The following TENM2 variants were observed in gnomAD, a reference collection of about 807,000 sequenced individuals.
The protein encoded by TENM2 is teneurin-2.
TENM2 carries 52 observed loss-of-function variants against 245.2 expected under a neutral mutation model. The ratio of observed to expected loss-of-function variants is 0.21; its 90% CI spans 0.17 to 0.27. TENM2 has a LOEUF of 0.27. TENM2 is among the 10% of genes least tolerant of loss of function. The pLI, the probability that TENM2 is intolerant of heterozygous loss-of-function variation, is 1.00. For synonymous variants in TENM2, 1,363 were observed against 1,438.9 expected (o/e 0.95, Z 1.19); for missense variants, 3,046 against 3,666.8 (o/e 0.83, Z 4.37).
the TENM2 span, among the ~76,000 whole-genome samples, chr5:167,081,278 C>T: frequency 6.6e-6 from 1 of 151,840 alleles, no homozygotes; most frequent in East Asian, 2.0e-4. Flanking sequence ...GATCATAGAT[C>T]AAGGTATTTA....
rs113901593 is a variant in TENM2 at position 167,677,509 on chromosome 5, A to G, written c.503-198477A>G. The stretch of plus-strand genomic sequence containing the variant: ...TTTGCTGTGATTGCTGTCTTCCATC[A>G]AAATCTGTCAGAATACATTATGGCA... On this transcript the variant is annotated intron_variant, in intron 2 of 28. Transcript: ENST00000518659. Among the ~76,000 whole-genome samples the G allele has an allele frequency of 9.9e-3, 1,497 of 151,878 alleles. 34 individuals carry two copies. The highest frequency in any genetic ancestry group is 0.034 in the African/African-American group (1,399 of 41,462).
At chr5:167,130,888 CTT>C in the TENM2 span, among the ~76,000 whole-genome samples, 78 of 73,346 alleles carry the variant, frequency 1.1e-3, no homozygotes, top group Non-Finnish European at 1.2e-3. Flanking sequence ...GTGTTAAATG[CTT>C]TTTTTTTTTT....
intron 2 of TENM2, among the ~76,000 whole-genome samples, chr5:167,827,630 G>GGGC (rs1554126470): frequency 3.8e-5 from 5 of 130,716 alleles, no homozygotes; most frequent in African/African-American, 8.4e-5. Context: ...TAGGTGGGCG[G>GGGC]GGGGGGGGGA....
intron 2 of TENM2, among the ~76,000 whole-genome samples, chr5:167,378,872 T>G (rs1760926751): frequency 6.6e-6 from 1 of 151,692 alleles, no homozygotes. Context: ...TCCTTTTTTT[T>G]TTTTTTTTCC....
chr5:168,105,393 TG>T (rs1223797724), intron 9 of TENM2, among the ~76,000 whole-genome samples: 1 of 152,014 alleles, frequency 6.6e-6, no homozygotes, highest in African/African-American at 2.4e-5. Flanking sequence ...ATTTTACTGG[TG>T]CATTTGAATG....
chr5:167,959,378 G>A (rs1247489573), intron 4 of TENM2, among the ~76,000 whole-genome samples: 1 of 152,006 alleles, frequency 6.6e-6, no homozygotes, highest in Non-Finnish European at 1.5e-5. Flanking sequence ...TGTATTGTTA[G>A]TAGAGACGGG....
intron 1 of TENM2, among the ~76,000 whole-genome samples, chr5:167,321,512 A>T (rs2127771302): frequency 6.6e-6 from 1 of 152,206 alleles, no homozygotes; most frequent in East Asian, 1.9e-4. Context: ...CTTTTTTGCC[A>T]TGAATTTGTC....
rs1469849555 is a variant in TENM2, at chr5:168,176,126, ACTT to A, written c.2569+13372_2569+13374del. Reference sequence around the variant, plus strand: ...CACCTCCACTCAGATCATGCCAACAACTTCTCTGCGCTGGACTATGGGTCCTCC... The same window carrying A: ...CACCTCCACTCAGATCATGCCAACAACTCTGCGCTGGACTATGGGTCCTCC... On this transcript the variant is annotated intron_variant, in intron 13 of 28. Transcript: ENST00000518659. Among the ~76,000 whole-genome samples the A allele has an allele frequency of 2.6e-5, 4 of 152,292 alleles. No individual in the cohort carries two copies. In the East Asian group the frequency reaches 7.7e-4, roughly 29 times the overall value.
chr5:167,344,843 C>T (rs554432604), intron 1 of TENM2, among the ~76,000 whole-genome samples: 2 of 152,206 alleles, frequency 1.3e-5, no homozygotes, highest in African/African-American at 4.8e-5. Context: ...CCACAGAAAG[C>T]AGTGGGGCAG....
intron 2 of TENM2, among the ~76,000 whole-genome samples, chr5:167,569,692 G>A (rs931408232): frequency 1.1e-4 from 16 of 152,142 alleles, no homozygotes; most frequent in African/African-American, 3.4e-4. Context: ...CATTTAAGAA[G>A]CATTCCCATT....
chr5:168,198,427 C>CTTG (rs1343674487), intron 15 of TENM2, among the ~76,000 whole-genome samples: 2 of 151,980 alleles, frequency 1.3e-5, no homozygotes, highest in Non-Finnish European at 2.9e-5. Context: ...AACTACTGAC[C>CTTG]TCAAGTGATG....
chr5:167,953,207 TTAAG>T (rs1382818820), intron 4 of TENM2, among the ~76,000 whole-genome samples: 1 of 152,198 alleles, frequency 6.6e-6, no homozygotes, highest in Non-Finnish European at 1.5e-5. Flanking sequence ...TCATTTGAAA[TTAAG>T]TGTTTGGGGA....
intron 2 of TENM2, among the ~76,000 whole-genome samples, chr5:167,587,317 G>C (rs1489095528): frequency 6.6e-6 from 1 of 152,114 alleles, no homozygotes; most frequent in Non-Finnish European, 1.5e-5. Context: ...TTCAATATTA[G>C]CCTTTCATAA....
chr5:167,108,423 G>A, the TENM2 span, among the ~76,000 whole-genome samples: 1 of 152,164 alleles, frequency 6.6e-6, no homozygotes, highest in Non-Finnish European at 1.5e-5. Flanking sequence ...ACCGCGCCCG[G>A]CCACTGTGGG....
chr5:167,780,386 A>G (rs752214216), intron 2 of TENM2, among the ~76,000 whole-genome samples: 28 of 152,246 alleles, frequency 1.8e-4, no homozygotes, highest in Non-Finnish European at 3.2e-4. Flanking sequence ...GCTGGAGCCA[A>G]ACAAGGCAAC....
intron 2 of TENM2, among the ~76,000 whole-genome samples, chr5:167,436,043 T>C (rs1217788793): frequency 1.4e-5 from 2 of 144,942 alleles, no homozygotes; most frequent in African/African-American, 5.0e-5. Flanking sequence ...AGTGGCACCA[T>C]CTTGGCTCAC....
At chr5:168,080,062 G>GA (rs1286636621) in intron 7 of TENM2, among the ~76,000 whole-genome samples, 19 of 152,258 alleles carry the variant, frequency 1.2e-4, no homozygotes, top group African/African-American at 4.6e-4. Context: ...TCTGGTCCTA[G>GA]ACTTTTTTTG....
At chr5:167,208,690 C>T in the TENM2 span, among the ~76,000 whole-genome samples, 1 of 152,296 alleles carries the variant, frequency 6.6e-6, no homozygotes, top group African/African-American at 2.4e-5. Context: ...ATAAACGGAA[C>T]ATCTTCTTAA....
chr5:167,794,631 G>A (rs577453289), intron 2 of TENM2, among the ~76,000 whole-genome samples: 31 of 152,340 alleles, frequency 2.0e-4, no homozygotes, highest in African/African-American at 6.7e-4. Flanking sequence ...GTAGGCAACT[G>A]TCTTGGGGAC....
Sources: gnomAD v4.1 joint callset for allele counts (sites outside exome capture counted in the v4.1 genomes callset) on GRCh38, gnomAD v4.1.1 for gene constraint, MANE v1.5 for transcripts, NCBI Gene and HGNC (gene_info 2026-07-23, HGNC 2026-07-21) for gene names.